GMDS: variants seen among roughly 807,000 people sequenced by gnomAD.
GMDS encodes GDP-mannose 4,6 dehydratase.
In GMDS, 20 loss-of-function variants were observed where a neutral mutation model predicts 49.9. The ratio of observed to expected loss-of-function variants is 0.40; its 90% confidence interval spans 0.28 to 0.58. GMDS has a LOEUF of 0.58. GMDS is among the 20% of genes least tolerant of loss of function. GMDS has a pLI of 0.42. For synonymous variants in GMDS, 177 were observed against 178.6 expected (o/e 0.99, Z 0.07); for missense variants, 362 against 481.4 (o/e 0.75, Z 2.32).
intron 1 of GMDS, among the ~76,000 whole-genome samples, chr6:2,181,967 A>ACT (rs779536711): frequency 3.9e-5 from 6 of 152,254 alleles, no homozygotes; most frequent in African/African-American, 7.2e-5. Flanking sequence ...GCTGAAAGGT[A>ACT]GCCTCTTGCA....
intron 7 of GMDS, among the ~76,000 whole-genome samples, chr6:1,907,167 T>C (rs922999261): frequency 2.0e-5 from 3 of 152,212 alleles, no homozygotes; most frequent in Admixed American, 6.5e-5. Context: ...ACAACTGGCT[T>C]ATGGGGAAGA....
At chr6:1,902,436 G>T (rs1483197614) in intron 7 of GMDS, among the ~76,000 whole-genome samples, 12 of 152,146 alleles carry the variant, frequency 7.9e-5, no homozygotes. Context: ...TAAGTAAAGG[G>T]TCCTAGAGGA....
At chr6:1,777,348 G>A (rs77265252) in intron 7 of GMDS, among the ~76,000 whole-genome samples, 1,820 of 152,364 alleles carry the variant, frequency 0.012, 14 homozygotes, top group Middle Eastern at 0.034. Context: ...TTCGGAGGAT[G>A]TGTGATATTT....
At chr6:2,141,268 T>C (rs574726331) in intron 1 of GMDS, among the ~76,000 whole-genome samples, 1 of 152,260 alleles carries the variant, frequency 6.6e-6, no homozygotes, top group East Asian at 1.9e-4. Context: ...AGACAAGTTA[T>C]CAGGCTGCCA....
intron 4 of GMDS, among the ~76,000 whole-genome samples, chr6:2,072,358 G>GAT (rs1772065271): frequency 1.3e-5 from 2 of 152,166 alleles, no homozygotes; most frequent in South Asian, 4.1e-4. Flanking sequence ...AGAAAAGTAA[G>GAT]ATATCTACAA....
chr6:1,902,351 T>C (rs2113860939), intron 7 of GMDS, among the ~76,000 whole-genome samples: 1 of 152,318 alleles, frequency 6.6e-6, no homozygotes, highest in Non-Finnish European at 1.5e-5. Context: ...GAAACCCTTC[T>C]AAAAACATAA....
chr6:1,827,676 G>A (rs1460965336), intron 7 of GMDS, among the ~76,000 whole-genome samples: 1 of 152,172 alleles, frequency 6.6e-6, no homozygotes, highest in Non-Finnish European at 1.5e-5. Context: ...CTGCATAGAT[G>A]AGGGGATTTA....
At chr6:1,691,077 C>T (rs982485547) in intron 9 of GMDS, among the ~76,000 whole-genome samples, 1 of 152,174 alleles carries the variant, frequency 6.6e-6, no homozygotes, top group African/African-American at 2.4e-5. Flanking sequence ...CATTGCAGTG[C>T]TAGTCACAAT....
intron 1 of GMDS, among the ~76,000 whole-genome samples, chr6:2,199,326 T>A (rs146438679): frequency 6.6e-6 from 1 of 152,300 alleles, no homozygotes; most frequent in Non-Finnish European, 1.5e-5. Context: ...GAACCCAAAA[T>A]AAATTAATTC....
intron 1 of GMDS, among the ~76,000 whole-genome samples, chr6:2,139,473 G>C (rs1354797570): frequency 6.6e-6 from 1 of 152,212 alleles, no homozygotes. Context: ...GGGTACGCTA[G>C]TCACACTGAA....
intron 9 of GMDS, among the ~76,000 whole-genome samples, chr6:1,723,580 C>T (rs186618068): frequency 3.9e-5 from 5 of 126,896 alleles, no homozygotes; most frequent in East Asian, 2.6e-4. Flanking sequence ...CCACCCGCCT[C>T]GGCCTCTTTA....
chr6:1,835,846 C>A (rs1454271615), intron 7 of GMDS, among the ~76,000 whole-genome samples: 1 of 151,640 alleles, frequency 6.6e-6, no homozygotes, highest in Non-Finnish European at 1.5e-5. Context: ...ACATTTTTTT[C>A]ATTTGCTTTT....
chr6:1,949,493 T>G (rs1442173183), intron 6 of GMDS, among the ~76,000 whole-genome samples: 1 of 152,282 alleles, frequency 6.6e-6, no homozygotes, highest in East Asian at 1.9e-4. Flanking sequence ...ATTTAACAAT[T>G]CCAGAAATCT....
chr6:1,687,555 GTCCTTCTCCTGTGTTCC>G (rs1765019863), intron 9 of GMDS, among the ~76,000 whole-genome samples: 1 of 3,420 alleles, frequency 2.9e-4, no homozygotes, highest in Admixed American at 1.1e-3. Context: ...TCCAGGCACC[GTCCTTCTCCTGTGTTCC>G]AGGCACCGTC....
At chr6:2,066,185 G>A (rs1771576934) in intron 4 of GMDS, among the ~76,000 whole-genome samples, 1 of 148,132 alleles carries the variant, frequency 6.8e-6, no homozygotes, top group Non-Finnish European at 1.5e-5. Flanking sequence ...CATAAGTGAA[G>A]GAGAAATAAA....
intron 7 of GMDS, among the ~76,000 whole-genome samples, chr6:1,899,503 G>A (rs1760388814): frequency 6.6e-6 from 1 of 152,208 alleles, no homozygotes; most frequent in South Asian, 2.1e-4. Flanking sequence ...CTCCGTTCAA[G>A]AGAGAAGACC....
intron 9 of GMDS, among the ~76,000 whole-genome samples, chr6:1,650,096 C>T (rs970425443): frequency 6.6e-6 from 1 of 152,230 alleles, no homozygotes; most frequent in Non-Finnish European, 1.5e-5. Context: ...TGGCCGTAAT[C>T]ATCTAGGTTC....
rs558560364 is a variant in GMDS at position 2,203,984 on chromosome 6, A to C, written c.102+41337T>G. ...ATTTCCCTTGAAGCTAAGCAGAGGT[A>C]TCTCTGGAAAACCTGACTTTACAAA... On this transcript the variant is annotated intron_variant, in intron 1 of 10. Coordinates refer to ENST00000380815, the MANE Select transcript of GMDS (RefSeq NM_001500.4). Among the ~76,000 whole-genome samples the C allele has an allele frequency of 9.8e-5, 15 of 152,302 alleles. No homozygotes were observed. The South Asian group carries it at 2.9e-3, about 30-fold the overall frequency.
At chr6:1,856,025 G>T (rs1261334882) in intron 7 of GMDS, among the ~76,000 whole-genome samples, 2 of 152,048 alleles carry the variant, frequency 1.3e-5, no homozygotes, top group Non-Finnish European at 2.9e-5. Context: ...CCCCACAACC[G>T]TTTCAACATC....
Sources: allele counts gnomAD v4.1 joint callset (sites outside exome capture counted in the v4.1 genomes callset), GRCh38; gene constraint gnomAD v4.1.1; transcripts MANE v1.5; gene names NCBI Gene and HGNC (gene_info 2026-07-23, HGNC 2026-07-21).